The following ST6GALNAC3 variants were observed in gnomAD, a reference collection of about 807,000 sequenced individuals.
The protein encoded by ST6GALNAC3 is alpha-N-acetylgalactosaminide alpha-2,6-sialyltransferase 3.
Under a neutral mutation model 32.7 loss-of-function variants are expected in ST6GALNAC3, and 25 were observed. The observed-to-expected ratio is 0.76, with a 90% CI of 0.56 to 1.07. The LOEUF (loss-of-function observed/expected upper bound fraction) is 1.07. ST6GALNAC3 is among the 50% of genes least tolerant of loss of function. ST6GALNAC3 has a pLI of 0.00. For missense variants in ST6GALNAC3, 355 were observed against 382.4 expected (o/e 0.93, Z 0.60); for synonymous variants, 129 against 133.1 (o/e 0.97, Z 0.21).
chr1:76,248,511 T>G (rs1248929816), intron 1 of ST6GALNAC3, among the ~76,000 whole-genome samples: 2 of 152,192 alleles, frequency 1.3e-5, no homozygotes, highest in East Asian at 3.9e-4. Context: ...TAGCTAATGC[T>G]TTTCTTTAAT....
Position 76,629,337 on chromosome 1 carries a change from A to G in ST6GALNAC3, c.*531A>G, listed in dbSNP as rs1361967481. ...ATGGGAAAATATCTCTTCCTAATAT[A>G]CCATCTTTCTACAGTATTTCCTACA... is the stretch of plus-strand genomic sequence containing the variant. On this transcript the variant is annotated 3_prime_UTR_variant, in exon 5 of 5. Coordinates refer to ENST00000328299, the MANE Select transcript of ST6GALNAC3 (RefSeq NM_152996.4). The G allele has an allele frequency of 3.0e-6, 3 of 985,526 alleles. No homozygotes were observed. Among genetic ancestry groups the G allele is most frequent in the Non-Finnish European group, 2.4e-6 (2 of 830,008 alleles). 61.0% of individuals were successfully genotyped at this position (985,526 alleles called of 1,614,324 possible).
chr1:76,193,097 T>C (rs1285945609), intron 1 of ST6GALNAC3, among the ~76,000 whole-genome samples: 2 of 152,148 alleles, frequency 1.3e-5, no homozygotes, highest in Admixed American at 1.3e-4. Context: ...TGCTTCTGAG[T>C]ATAACTTAAA....
rs564997238 is a variant in ST6GALNAC3 at position 76,632,378 on chromosome 1, G to T, written c.*3572G>T. The T allele has an allele frequency of 6.6e-6, 1 of 152,136 alleles. No individual in the cohort carries two copies. The highest frequency in any genetic ancestry group is 1.5e-5 in the Non-Finnish European group (1 of 68,012). 9.4% of individuals were successfully genotyped at this position (152,136 alleles called of 1,614,324 possible). A position where few individuals can be genotyped will look rare whatever the true frequency, so the allele number is the denominator to read the frequency against. ...GTAAGTATAGCAATCTGTATTGTAG[G>T]TTCTGCCGATTGCAGGCTTAGCTAA... is the stretch of plus-strand genomic sequence containing the variant. On this transcript the variant is annotated 3_prime_UTR_variant, in exon 5 of 5. Coordinates refer to ENST00000328299, the MANE Select transcript of ST6GALNAC3 (RefSeq NM_152996.4).
chr1:76,573,023 A>C (rs1646735493), intron 3 of ST6GALNAC3, among the ~76,000 whole-genome samples: 1 of 152,152 alleles, frequency 6.6e-6, no homozygotes, highest in Non-Finnish European at 1.5e-5. Flanking sequence ...AGAAGTAGAT[A>C]ATCTTTTCCT....
chr1:76,324,752 G>C (rs1647034850), intron 2 of ST6GALNAC3, among the ~76,000 whole-genome samples: 1 of 152,120 alleles, frequency 6.6e-6, no homozygotes, highest in Non-Finnish European at 1.5e-5. Context: ...ATGGACTTGA[G>C]TTAATAATAA....
At position 76,586,277 on chromosome 1, in the gene ST6GALNAC3, G is replaced by T. The variant is rs544490641; in HGVS notation, c.624-41175G>T. 1.7e-3 allele frequency among the ~76,000 whole-genome samples: 266 copies of T among 152,276 alleles called. 1 individual carries two copies. The highest frequency in any genetic ancestry group is 6.2e-3 in the African/African-American group (258 of 41,568). On this transcript the variant is annotated intron_variant, in intron 3 of 4. Transcript: ENST00000328299. ...TACTGTGATGGACTTTAAATCCATGGACCTTCTTGCACTGCGGAGTGAATA... is the reference window on the plus strand; with the variant it reads ...TACTGTGATGGACTTTAAATCCATGTACCTTCTTGCACTGCGGAGTGAATA...
In ST6GALNAC3 at chr1:76,099,277, A is replaced by G. The variant is rs376518829; in HGVS notation, c.18+24393A>G. ...CCTTTGAGTTTTAGAATTAGCTCAT[A>G]AAATTCCACAAAAATTGTGGATCTT... On this transcript the variant is annotated intron_variant, in intron 1 of 4. Coordinates refer to ENST00000328299, the MANE Select transcript of ST6GALNAC3 (RefSeq NM_152996.4). 3.7e-4 allele frequency among the ~76,000 whole-genome samples: 57 copies of G among 152,294 alleles called. 3 individuals are homozygous for G. The highest frequency in any genetic ancestry group is 1.2e-3 in the African/African-American group (50 of 41,574).
intron 3 of ST6GALNAC3, chr1:76,576,818 A>G (rs1442462929): frequency 7.7e-7 from 1 of 1,304,160 alleles, no homozygotes; most frequent in Admixed American, 2.3e-5. Context: ...TTCTTCTGCC[A>G]TTTCTTCTCC....
intron 1 of ST6GALNAC3, among the ~76,000 whole-genome samples, chr1:76,215,936 A>G (rs1348150890): frequency 2.0e-5 from 3 of 152,158 alleles, no homozygotes; most frequent in Non-Finnish European, 2.9e-5. Context: ...GAGATTTACA[A>G]AGACCTCACA....
At chr1:76,627,359 T>C in intron 3 of ST6GALNAC3, 93 bp from the exon 4 acceptor site, 1 of 803,708 alleles carries the variant, frequency 1.2e-6, no homozygotes, top group Non-Finnish European at 2.1e-6. Flanking sequence ...ATGTTTTTGA[T>C]GAAATGTTGC....
intron 1 of ST6GALNAC3, among the ~76,000 whole-genome samples, chr1:76,271,572 GA>G (rs1658845594): frequency 6.6e-6 from 1 of 152,154 alleles, no homozygotes; most frequent in Non-Finnish European, 1.5e-5. Flanking sequence ...ATGTGAGAAG[GA>G]GACAATTCTA....
intron 1 of ST6GALNAC3, among the ~76,000 whole-genome samples, chr1:76,113,231 C>A (rs945490837): frequency 6.6e-6 from 1 of 151,542 alleles, no homozygotes; most frequent in Admixed American, 6.6e-5. Context: ...CGCAGGCACT[C>A]GGCAGGCTGA....
In ST6GALNAC3 at chr1:76,344,433, C is replaced by T. The variant is rs187833975; in HGVS notation, c.213+30434C>T. On this transcript the variant is annotated intron_variant, in intron 2 of 4. Coordinates refer to ENST00000328299, the MANE Select transcript of ST6GALNAC3 (RefSeq NM_152996.4). ...TTTTTCCCTGCATTATTTTTTTCTC[C>T]CCAGGTATTATAAATATATGACATA... 1.1e-3 allele frequency among the ~76,000 whole-genome samples: 171 copies of T among 152,144 alleles called. 1 individual carries two copies. The highest frequency in any genetic ancestry group is 4.1e-3 in the African/African-American group (169 of 41,512).
At chr1:76,533,730 A>G (rs1444453055) in intron 3 of ST6GALNAC3, among the ~76,000 whole-genome samples, 2 of 152,134 alleles carry the variant, frequency 1.3e-5, no homozygotes, top group Admixed American at 6.5e-5. Context: ...GCTCTACTGT[A>G]TCTATCCCAG....
At chr1:76,585,093 A>G (rs1047614064) in intron 3 of ST6GALNAC3, among the ~76,000 whole-genome samples, 6 of 152,174 alleles carry the variant, frequency 3.9e-5, no homozygotes, top group East Asian at 1.9e-4. Context: ...AAAAAATTAT[A>G]AATATTCTTG....
intron 1 of ST6GALNAC3, among the ~76,000 whole-genome samples, chr1:76,289,501 G>A (rs555458153): frequency 6.6e-6 from 1 of 152,212 alleles, no homozygotes; most frequent in Non-Finnish European, 1.5e-5. Context: ...CAGCAGGGGT[G>A]ATAGCACCCT....
rs114542982 is a variant in ST6GALNAC3 at position 76,197,341 on chromosome 1, C to T, written c.19-116464C>T. Among the ~76,000 whole-genome samples the T allele has an allele frequency of 6.7e-3, 1,013 of 152,270 alleles. 7 individuals carry two copies. Among genetic ancestry groups the T allele is most frequent in the Middle Eastern group, 0.02 (6 of 294 alleles). On this transcript the variant is annotated intron_variant, in intron 1 of 4. Coordinates refer to ENST00000328299, the MANE Select transcript of ST6GALNAC3 (RefSeq NM_152996.4). Reference sequence around the variant, plus strand: ...AGGCTTTGTGCTGAATGCTGGGAACCAAACCGAGGAAAAAATATGCATGGA... The same window carrying T: ...AGGCTTTGTGCTGAATGCTGGGAACTAAACCGAGGAAAAAATATGCATGGA...
At chr1:76,401,998 C>T (rs1221415615) in intron 2 of ST6GALNAC3, among the ~76,000 whole-genome samples, 1 of 151,944 alleles carries the variant, frequency 6.6e-6, no homozygotes, top group Non-Finnish European at 1.5e-5. Context: ...TAATTTCCTA[C>T]CATCTTGTTA....
intron 2 of ST6GALNAC3, among the ~76,000 whole-genome samples, chr1:76,336,416 A>G (rs1160218065): frequency 6.6e-6 from 1 of 152,204 alleles, no homozygotes; most frequent in Non-Finnish European, 1.5e-5. Flanking sequence ...GAGGTCTCTA[A>G]TTCCAAACAG....
Sources: gnomAD v4.1 joint callset for allele counts (sites outside exome capture counted in the v4.1 genomes callset) on GRCh38, gnomAD v4.1.1 for gene constraint, MANE v1.5 for transcripts, NCBI Gene and HGNC (gene_info 2026-07-23, HGNC 2026-07-21) for gene names.